The following ANKRD24 variants were observed in gnomAD, a reference collection of about 807,000 sequenced individuals.
ANKRD24 encodes the protein ankyrin repeat domain 24.
Under a neutral mutation model 127.8 loss-of-function variants are expected in ANKRD24, and 109 were observed. The ratio of observed to expected loss-of-function variants is 0.85; its 90% CI spans 0.73 to 1.00. ANKRD24 has a LOEUF of 1.00. ANKRD24 is among the 50% of genes least tolerant of loss of function. ANKRD24 has a pLI of 0.00. For missense variants in ANKRD24, 1,648 were observed against 1,570.2 expected (o/e 1.05, Z -0.84); for synonymous variants, 743 against 671.1 (o/e 1.11, Z -1.66).
chr19:4,193,846 A>AGGGAGGGAGGGAGGGAT (rs113209299), intron 2 of ANKRD24, among the ~76,000 whole-genome samples: 1 of 51,646 alleles, frequency 1.9e-5, no homozygotes, highest in Non-Finnish European at 3.1e-5. Context: ...GGAGGGAGGG[A>AGGGAGGGAGGGAGGGAT]GGAAGGAAGG....
rs1431536649 is a variant in ANKRD24 at position 4,207,290 on chromosome 19, C to T, written c.515C>T (p.Ala172Val). ...SCSEVLCSFK[A>V]HLNPQDRSGA... ...TCAGAGGTGCTCTGCTCCTTTAAGG[C>T]ACATCTAAACCCCCAAGATCGGGTA... The change falls in exon 8 of 22, where the codon GCA becomes GTA. Residue 172 changes from alanine (A) to valine (V), a missense_variant. Physicochemically the swap from Ala to Val is moderately conservative, Grantham distance 64 (BLOSUM62 0). Coordinates refer to ENST00000318934, the MANE Select transcript of ANKRD24 (RefSeq NM_001393985.1). The T allele has an allele frequency of 6.2e-7, 1 of 1,613,796 alleles. No homozygotes were observed. The highest frequency in any genetic ancestry group is 2.2e-5 in the East Asian group (1 of 44,866).
chr19:4,201,663 C>T (rs1392782222), intron 5 of ANKRD24, among the ~76,000 whole-genome samples: 1 of 151,774 alleles, frequency 6.6e-6, no homozygotes, highest in Non-Finnish European at 1.5e-5. Context: ...GTGGGAGGAT[C>T]GCACGAGCCA....
At chr19:4,202,205 C>A in intron 6 of ANKRD24, 115 bp downstream of exon 6, 2 of 941,078 alleles carry the variant, frequency 2.1e-6, no homozygotes, top group South Asian at 1.4e-5. Flanking sequence ...GCCCCTTTTA[C>A]TCCAGAACCC....
At chr19:4,187,916 C>T (rs887864071) in intron 2 of ANKRD24, among the ~76,000 whole-genome samples, 5 of 152,060 alleles carry the variant, frequency 3.3e-5, no homozygotes, top group East Asian at 1.9e-4. Context: ...GGTAAAGATT[C>T]GGAGGCTGGA....
chr19:4,206,487 A>C (rs192636219), intron 7 of ANKRD24, among the ~76,000 whole-genome samples: 37 of 151,896 alleles, frequency 2.4e-4, no homozygotes, highest in African/African-American at 8.2e-4. Context: ...ATAAAATAAA[A>C]ATTAGCCAGG....
chr19:4,199,971 G>C lies in ANKRD24; in HGVS notation c.220G>C (p.Val74Leu), dbSNP rs1461229786. 1.3e-6 allele frequency: 2 copies of C among 1,564,934 alleles called. No individual in the cohort carries two copies. Among genetic ancestry groups the C allele is most frequent in the Non-Finnish European group, 1.7e-6 (2 of 1,154,936 alleles). ...CGCCCTCATCGCCCGCAAGGGGCTG[G>C]TGCCCACGAAGCTAGACCCCGAGGG... The part of the protein sequence containing the change: ...VAALIARKGL[V>L]PTKLDPEGKS... Residue 74 changes from valine to leucine, a missense_variant, in exon 4 of 22, where the codon GTG becomes CTG. By Grantham distance (32) the Val-to-Leu change is conservative. Transcript: ENST00000318934. The surrounding 1 kb of genome is among the most constrained non-coding windows in gnomAD (Gnocchi z 5.2).
rs1369665340 is a variant in ANKRD24 at position 4,198,399 on chromosome 19, G to T, written c.37-1284G>T. The stretch of plus-strand genomic sequence containing the variant: ...GGGAGCTCCGGCAGCGCCCAGCCCC[G>T]CCCTCCGGCCGCTCCCCGCGGTCCC... On this transcript the variant is annotated intron_variant, in intron 2 of 21. Transcript: ENST00000318934. The surrounding 1 kb of genome is among the most constrained non-coding windows in gnomAD (Gnocchi z 6.1). The T allele has an allele frequency of 2.2e-6, 1 of 458,302 alleles. No homozygotes were observed. The highest frequency in any genetic ancestry group is 4.1e-5 in the South Asian group (1 of 24,386). The allele number at this position is 458,302 out of a possible 1,614,324, so 28.4% of individuals were successfully genotyped here.
At chr19:4,200,317 G>A in intron 5 of ANKRD24, 146 bp downstream of exon 5, 1 of 909,070 alleles carries the variant, frequency 1.1e-6, no homozygotes, top group Non-Finnish European at 1.6e-6. Context: ...CTGCCCCCAG[G>A]GAGACACACA....
chr19:4,191,113 C>T (rs1340221570), intron 2 of ANKRD24, among the ~76,000 whole-genome samples: 3 of 152,144 alleles, frequency 2.0e-5, no homozygotes, highest in Non-Finnish European at 4.4e-5. Flanking sequence ...AGCCCATAGC[C>T]TGGGCTGGAA....
At chr19:4,191,213 C>T (rs1968364820) in intron 2 of ANKRD24, among the ~76,000 whole-genome samples, 1 of 152,158 alleles carries the variant, frequency 6.6e-6, no homozygotes, top group Admixed American at 6.5e-5. Context: ...TCCATCCCTC[C>T]ACCTGCCCTT....
chr19:4,189,548 G>A (rs1352875498), intron 2 of ANKRD24, among the ~76,000 whole-genome samples: 6 of 140,434 alleles, frequency 4.3e-5, no homozygotes, highest in African/African-American at 1.3e-4. Flanking sequence ...CACCATGCCC[G>A]GCCCTAAGTT....
chr19:4,218,989 A>G (rs1970296174), intron 18 of ANKRD24, among the ~76,000 whole-genome samples: 1 of 152,028 alleles, frequency 6.6e-6, no homozygotes, highest in Non-Finnish European at 1.5e-5. Flanking sequence ...GCTGGTCTCA[A>G]ACACCTGAGC....
In ANKRD24 at chr19:4,224,810, C is replaced by G; in HGVS notation, c.*305C>G. The G allele has an allele frequency of 2.2e-6, 1 of 459,414 alleles. No individual in the cohort carries two copies. Among genetic ancestry groups the G allele is most frequent in the East Asian group, 3.9e-5 (1 of 25,630 alleles). 28.5% of individuals were successfully genotyped at this position (459,414 alleles called of 1,614,324 possible). On this transcript the variant is annotated 3_prime_UTR_variant, in exon 22 of 22. Transcript: ENST00000318934. Reference sequence around the variant, plus strand: ...CCCAGGAATAAAGGCATTCTGTGCACAGGGCCAACGCGTGCCGTCTCGTTG... The same window carrying G: ...CCCAGGAATAAAGGCATTCTGTGCAGAGGGCCAACGCGTGCCGTCTCGTTG...
In ANKRD24 at chr19:4,195,197, C is replaced by T. The variant is rs377247032; in HGVS notation, c.37-4486C>T. 1.3e-3 allele frequency among the ~76,000 whole-genome samples: 201 copies of T among 152,016 alleles called. 2 individuals carry two copies. Among genetic ancestry groups the T allele is most frequent in the Middle Eastern group, 6.8e-3 (2 of 294 alleles). On this transcript the variant is annotated intron_variant, in intron 2 of 21. Coordinates refer to ENST00000318934, the MANE Select transcript of ANKRD24 (RefSeq NM_001393985.1). This position sits in a 1 kb window ranked among gnomAD's most constrained non-coding sequence, Gnocchi z 4.2. ...ACGCCATTCTCCTGCCTCAGTCTCC[C>T]GAGTAGCTGGGACTACAGGCGCCCA...
chr19:4,208,891 G>A, intron 11 of ANKRD24, 90 bp downstream of exon 11: 1 of 1,412,190 alleles, frequency 7.1e-7, no homozygotes, highest in East Asian at 2.4e-5. Context: ...AGAGAAGGAA[G>A]TTAGACCTGG....
intron 15 of ANKRD24, among the ~76,000 whole-genome samples, chr19:4,213,453 C>CT (rs1969882897): frequency 1.5e-5 from 2 of 132,850 alleles, no homozygotes; most frequent in African/African-American, 3.0e-5. Context: ...TCTATCCTTC[C>CT]TTCTTTTTTT....
At position 4,208,754 on chromosome 19, in the gene ANKRD24, C is replaced by G; in HGVS notation, c.833-10C>G. On this transcript the variant is annotated splice_polypyrimidine_tract_variant and intron_variant, in intron 10 of 21. Coordinates refer to ENST00000318934, the MANE Select transcript of ANKRD24 (RefSeq NM_001393985.1). ...ACAGAATGCCTGACCCTGCTTCCCTCTCTCCCCAGCCCTCACAGAGGATGA... is the reference window on the plus strand; with the variant it reads ...ACAGAATGCCTGACCCTGCTTCCCTGTCTCCCCAGCCCTCACAGAGGATGA... 1.2e-6 allele frequency: 2 copies of G among 1,612,308 alleles called. No homozygotes were observed. Among genetic ancestry groups the G allele is most frequent in the Non-Finnish European group, 1.7e-6 (2 of 1,179,190 alleles).
chr19:4,191,082 G>C (rs1287032033), intron 2 of ANKRD24, among the ~76,000 whole-genome samples: 1 of 152,178 alleles, frequency 6.6e-6, no homozygotes, highest in African/African-American at 2.4e-5. Context: ...AGAGTGTCTG[G>C]AGCTGGAGGG....
At chr19:4,185,284 A>G (rs1487946473) in intron 1 of ANKRD24, among the ~76,000 whole-genome samples, 1 of 149,454 alleles carries the variant, frequency 6.7e-6, no homozygotes, top group Non-Finnish European at 1.5e-5. Flanking sequence ...CCATGAGAAC[A>G]TGAATTGGGT....
Sources: allele counts gnomAD v4.1 joint callset (sites outside exome capture counted in the v4.1 genomes callset), GRCh38; gene constraint gnomAD v4.1.1; non-coding constraint Gnocchi (gnomAD v3.1); transcripts MANE v1.5; gene names NCBI Gene and HGNC (gene_info 2026-07-23, HGNC 2026-07-21).